CNTNAP2: variants seen among roughly 807,000 people sequenced by gnomAD.
The protein encoded by CNTNAP2 is contactin associated protein 2, also known as contactin-associated protein-like 2.
CNTNAP2 carries 98 observed loss-of-function variants against 155.2 expected under a neutral mutation model. That is an observed-to-expected ratio of 0.63 (90% confidence interval 0.54 to 0.75). The LOEUF (loss-of-function observed/expected upper bound fraction) is 0.75, where lower values mean the gene tolerates loss of function less well. Ranked by LOEUF, CNTNAP2 falls within the 30% of genes least tolerant of loss-of-function variation. The pLI, the probability that CNTNAP2 is intolerant of heterozygous loss-of-function variation, is 0.00. For synonymous variants in CNTNAP2, 651 were observed against 631.2 expected, an observed-to-expected ratio of 1.03 and a Z score of -0.47; for missense variants, 1,727 against 1,688.1, an observed-to-expected ratio of 1.02 and a Z score of -0.40.
Position 146,645,712 on chromosome 7 carries a change from C to T in CNTNAP2, c.98-128559C>T, listed in dbSNP as rs1160779279. ...GAAATTCAATGGCTTTTAGTGTATC[C>T]ACAGAGTTATATGTTCTTAAGTCAG... On this transcript the variant is annotated intron_variant, in intron 1 of 23. Coordinates refer to ENST00000361727, the MANE Select transcript of CNTNAP2 (RefSeq NM_014141.6). 2.6e-5 allele frequency among the ~76,000 whole-genome samples: 4 copies of T among 151,952 alleles called. No homozygotes were observed. The South Asian group carries it at 8.3e-4, about 32-fold the overall frequency.
chr7:146,750,019 G>C lies in CNTNAP2; in HGVS notation c.98-24252G>C, dbSNP rs775804721. On this transcript the variant is annotated intron_variant, in intron 1 of 23. Transcript: ENST00000361727. Reference sequence around the variant, plus strand: ...TTATATTTTCTCACATAGACTCCCAGATCTGTGAGGTCCTGGAATGTACAA... The same window carrying C: ...TTATATTTTCTCACATAGACTCCCACATCTGTGAGGTCCTGGAATGTACAA... Among the ~76,000 whole-genome samples the C allele has an allele frequency of 3.5e-4, 54 of 152,198 alleles. 1 individual carries two copies. Among genetic ancestry groups the C allele is most frequent in the East Asian group, 5.8e-4 (3 of 5,170 alleles).
intron 10 of CNTNAP2, among the ~76,000 whole-genome samples, chr7:147,457,560 G>GTTT (rs66790316): frequency 4.0e-4 from 61 of 150,848 alleles, no homozygotes; most frequent in African/African-American, 1.2e-3. Flanking sequence ...GATATGAGAG[G>GTTT]TTTTTTTTCC....
chr7:147,066,072 G>T (rs931152774), intron 4 of CNTNAP2, among the ~76,000 whole-genome samples: 1 of 152,032 alleles, frequency 6.6e-6, no homozygotes, highest in African/African-American at 2.4e-5. Flanking sequence ...TTAATTCAGA[G>T]GTCTAAAAGC....
At position 148,256,892 on chromosome 7, in the gene CNTNAP2, GTTAA is replaced by G. The variant is rs373288936; in HGVS notation, c.3382-10128_3382-10125del. Among the ~76,000 whole-genome samples, 372 of 152,280 alleles carry G rather than the reference GTTAA, an allele frequency of 2.4e-3. 4 individuals are homozygous for G. The highest frequency in any genetic ancestry group is 0.013 in the South Asian group (61 of 4,816). ...TTGCCAACAATTAATTAATACATTA[GTTAA>G]TTAATTAATTAAGTCAAAGTCCTCC... On this transcript the variant is annotated intron_variant, in intron 20 of 23. Transcript: ENST00000361727.
At chr7:146,413,777 AGG>A (rs140502315) in intron 1 of CNTNAP2, among the ~76,000 whole-genome samples, 3 of 152,138 alleles carry the variant, frequency 2.0e-5, no homozygotes, top group African/African-American at 7.2e-5. Flanking sequence ...GGCAGAGAGA[AGG>A]GGGACTTTCA....
chr7:147,487,372 T>C (rs1798528396), intron 11 of CNTNAP2, among the ~76,000 whole-genome samples: 1 of 151,948 alleles, frequency 6.6e-6, no homozygotes, highest in Admixed American at 6.6e-5. Context: ...ATTCAAAGAG[T>C]TATAACTAAA....
chr7:146,935,651 C>T (rs1375751603), intron 3 of CNTNAP2, among the ~76,000 whole-genome samples: 2 of 152,156 alleles, frequency 1.3e-5, no homozygotes, highest in Non-Finnish European at 2.9e-5. Context: ...TTTAAATTCT[C>T]TTGTGAAAGT....
intron 3 of CNTNAP2, among the ~76,000 whole-genome samples, chr7:146,913,982 C>T (rs930371088): frequency 6.6e-6 from 1 of 152,058 alleles, no homozygotes; most frequent in Middle Eastern, 3.2e-3. Flanking sequence ...TTAGCTCCCA[C>T]TTATGAGTGA....
At chr7:147,519,023 CAAAAAAAA>C (rs149054741) in intron 11 of CNTNAP2, among the ~76,000 whole-genome samples, 2 of 102,270 alleles carry the variant, frequency 2.0e-5, no homozygotes, top group South Asian at 3.4e-4. Flanking sequence ...GACTCTGTCT[CAAAAAAAA>C]AAAAAAAAAA....
intron 1 of CNTNAP2, among the ~76,000 whole-genome samples, chr7:146,694,281 T>C (rs1800746596): frequency 6.6e-6 from 1 of 152,222 alleles, no homozygotes; most frequent in African/African-American, 2.4e-5. Flanking sequence ...TTTCATTTTG[T>C]GAAAGGTGTA....
At position 148,133,202 on chromosome 7, in the gene CNTNAP2, C is replaced by A. The variant is rs146687145; in HGVS notation, c.2555-14289C>A. Among the ~76,000 whole-genome samples, 236 of 152,210 alleles carry A rather than the reference C, an allele frequency of 1.6e-3. 1 individual carries two copies. Among genetic ancestry groups the A allele is most frequent in the Non-Finnish European group, 2.3e-3 (158 of 68,020 alleles). On this transcript the variant is annotated intron_variant, in intron 16 of 23. Transcript: ENST00000361727. ...CTATGGTCGGTCACGGTGGCTCACG[C>A]CTGTAGTCCAGTACTTTGGAAGGCC...
At chr7:146,473,231 C>G (rs1796826030) in intron 1 of CNTNAP2, among the ~76,000 whole-genome samples, 1 of 151,960 alleles carries the variant, frequency 6.6e-6, no homozygotes, top group African/African-American at 2.4e-5. Flanking sequence ...CCAAGGTGCC[C>G]ATAGACAATT....
intron 13 of CNTNAP2, among the ~76,000 whole-genome samples, chr7:147,849,299 CA>C (rs765998424): frequency 5.1e-4 from 77 of 152,114 alleles, no homozygotes; most frequent in Non-Finnish European, 9.9e-4. Flanking sequence ...GTTAATATAC[CA>C]ACAGATTGAG....
intron 1 of CNTNAP2, among the ~76,000 whole-genome samples, chr7:146,664,469 T>C (rs1800152576): frequency 6.6e-6 from 1 of 152,104 alleles, no homozygotes; most frequent in Non-Finnish European, 1.5e-5. Flanking sequence ...CCCCATGGAT[T>C]GGTTTTTGAA....
intron 1 of CNTNAP2, among the ~76,000 whole-genome samples, chr7:146,691,931 A>AATCAG (rs1800703849): frequency 6.6e-6 from 1 of 152,260 alleles, no homozygotes; most frequent in East Asian, 1.9e-4. Flanking sequence ...ATTGGATTCA[A>AATCAG]ATCAGGCCCC....
chr7:148,296,333 T>C (rs375313163), intron 21 of CNTNAP2, among the ~76,000 whole-genome samples: 1 of 151,748 alleles, frequency 6.6e-6, no homozygotes, highest in African/African-American at 2.4e-5. Flanking sequence ...ATCAGGAGTT[T>C]GAGACCAGCC....
At chr7:147,161,059 A>G (rs1162892880) in intron 8 of CNTNAP2, among the ~76,000 whole-genome samples, 1 of 152,188 alleles carries the variant, frequency 6.6e-6, no homozygotes, top group Non-Finnish European at 1.5e-5. Context: ...TAAGTGTGAA[A>G]GAACGTAGTG....
intron 8 of CNTNAP2, among the ~76,000 whole-genome samples, chr7:147,174,615 G>A (rs1486395872): frequency 6.6e-6 from 1 of 152,118 alleles, no homozygotes; most frequent in Non-Finnish European, 1.5e-5. Context: ...TGCTTATGGT[G>A]ATATTACTAT....
At chr7:147,718,587 T>C (rs1193145056) in intron 13 of CNTNAP2, among the ~76,000 whole-genome samples, 2 of 152,118 alleles carry the variant, frequency 1.3e-5, no homozygotes, top group Non-Finnish European at 2.9e-5. Context: ...AAAAGCAGGA[T>C]TTGAGATCAT....
Sources: allele counts gnomAD v4.1 joint callset (sites outside exome capture counted in the v4.1 genomes callset), GRCh38; gene constraint gnomAD v4.1.1; transcripts MANE v1.5; gene names NCBI Gene and HGNC (gene_info 2026-07-23, HGNC 2026-07-21).